SLC37A1: variants seen among roughly 807,000 people sequenced by gnomAD.
The protein encoded by SLC37A1 is glucose-6-phosphate exchanger SLC37A1.
In SLC37A1, 49 loss-of-function variants were observed where a neutral mutation model predicts 75.3. The ratio of observed to expected loss-of-function variants is 0.65; its 90% CI spans 0.52 to 0.83. SLC37A1 has a LOEUF of 0.83. Among genes scored for constraint, SLC37A1 ranks in the 40% least tolerant of loss-of-function variants. The probability of loss-of-function intolerance (pLI) is 0.00; values close to 1 mark genes in which losing one functional copy is unlikely to be tolerated. For synonymous variants in SLC37A1, 268 were observed against 292.1 expected, an observed-to-expected ratio of 0.92 and a Z score of 0.84; for missense variants, 566 against 695.0, an observed-to-expected ratio of 0.81 and a Z score of 2.09.
intron 1 of SLC37A1, among the ~76,000 whole-genome samples, chr21:42,500,927 G>C (rs1399893592): frequency 6.6e-6 from 1 of 152,226 alleles, no homozygotes; most frequent in African/African-American, 2.4e-5. Context: ...TCAATGGAAG[G>C]CTATTGAAAC....
intron 10 of SLC37A1, among the ~76,000 whole-genome samples, chr21:42,554,626 G>A (rs2055637253): frequency 6.6e-6 from 1 of 150,732 alleles, no homozygotes; most frequent in Non-Finnish European, 1.5e-5. Flanking sequence ...CACGTGAGGT[G>A]CACACAGAAA....
intron 3 of SLC37A1, among the ~76,000 whole-genome samples, chr21:42,528,531 A>C (rs904715300): frequency 6.6e-6 from 1 of 152,238 alleles, no homozygotes; most frequent in Non-Finnish European, 1.5e-5. Context: ...ACAGGACTTA[A>C]AAGGAGAAAA....
At chr21:42,518,672 C>G (rs1344782243) in intron 2 of SLC37A1, among the ~76,000 whole-genome samples, 162 bp downstream of exon 2, 1 of 152,160 alleles carries the variant, frequency 6.6e-6, no homozygotes, top group Non-Finnish European at 1.5e-5. Flanking sequence ...GAAGCCGTGA[C>G]CCAGAACAGT....
intron 18 of SLC37A1, among the ~76,000 whole-genome samples, chr21:42,578,313 T>C (rs896745264): frequency 1.3e-5 from 2 of 152,232 alleles, no homozygotes; most frequent in Non-Finnish European, 2.9e-5. Context: ...CATTCTTGCA[T>C]GCGTGAGCCA....
At chr21:42,553,447 T>C (rs2055604878) in intron 9 of SLC37A1, among the ~76,000 whole-genome samples, 1 of 152,226 alleles carries the variant, frequency 6.6e-6, no homozygotes, top group Non-Finnish European at 1.5e-5. Context: ...GGGTTCTACA[T>C]AGAGCCCTGT....
intron 17 of SLC37A1, 47 bp downstream of exon 17, chr21:42,568,485 A>G: frequency 1.3e-6 from 2 of 1,567,248 alleles, no homozygotes; most frequent in Non-Finnish European, 1.7e-6. Context: ...CTTAGGGGAA[A>G]TCACATTGTC....
intron 17 of SLC37A1, among the ~76,000 whole-genome samples, chr21:42,568,675 G>C (rs1379762342): frequency 5.3e-5 from 8 of 152,216 alleles, no homozygotes; most frequent in Admixed American, 5.2e-4. Flanking sequence ...TTTCACCCGA[G>C]GCAGTGGTTG....
At chr21:42,579,056 T>C (rs562030325) in intron 18 of SLC37A1, among the ~76,000 whole-genome samples, 1 of 152,314 alleles carries the variant, frequency 6.6e-6, no homozygotes, top group Admixed American at 6.5e-5. Context: ...GAAAATGCAC[T>C]AGTTAAATTG....
chr21:42,539,701 G>GTGGAGTGTTTA (rs1161257843), intron 6 of SLC37A1, 54 bp downstream of exon 6: 130 of 1,560,220 alleles, frequency 8.3e-5, no homozygotes, highest in Non-Finnish European at 1.1e-4. Flanking sequence ...GGTGAATAGG[G>GTGGAGTGTTTA]TGGAGTGTTT....
chr21:42,530,742 C>T (rs1036474626), intron 3 of SLC37A1, among the ~76,000 whole-genome samples: 1 of 151,966 alleles, frequency 6.6e-6, no homozygotes, highest in Admixed American at 6.5e-5. Context: ...ATCCCCTGCT[C>T]CTGTCCTGTC....
chr21:42,578,276 G>A (rs1359911507), intron 18 of SLC37A1, among the ~76,000 whole-genome samples: 1 of 152,206 alleles, frequency 6.6e-6, no homozygotes, highest in African/African-American at 2.4e-5. Context: ...TGGGCTCCTG[G>A]AGTTGGTAGG....
intron 3 of SLC37A1, among the ~76,000 whole-genome samples, chr21:42,528,900 A>G (rs922472429): frequency 2.0e-5 from 3 of 152,188 alleles, no homozygotes; most frequent in African/African-American, 4.8e-5. Context: ...AGTATGTACT[A>G]TGGGTGGGAA....
intron 1 of SLC37A1, among the ~76,000 whole-genome samples, chr21:42,517,153 C>T (rs963910063): frequency 2.6e-5 from 4 of 152,218 alleles, no homozygotes; most frequent in Admixed American, 1.3e-4. Context: ...GCATTTACTA[C>T]GTACCAGGCC....
intron 2 of SLC37A1, among the ~76,000 whole-genome samples, chr21:42,519,901 G>A (rs941894771): frequency 4.6e-5 from 7 of 152,018 alleles, no homozygotes; most frequent in African/African-American, 1.2e-4. Context: ...CTGTAGAACC[G>A]CTGTATGTCA....
rs114494947 is a variant in SLC37A1, at chr21:42,532,063, A to G, written c.139-2635A>G. 3.5e-3 allele frequency among the ~76,000 whole-genome samples: 529 copies of G among 152,278 alleles called. 3 individuals are homozygous for G. The highest frequency in any genetic ancestry group is 0.012 in the African/African-American group (509 of 41,550). Reference sequence around the variant, plus strand: ...ACACAGGCATTGTCATGCCAACTCCATAACTGATGGCCAGGGAGTGTAAGT... The same window carrying G: ...ACACAGGCATTGTCATGCCAACTCCGTAACTGATGGCCAGGGAGTGTAAGT... On this transcript the variant is annotated intron_variant, in intron 3 of 19. Transcript: ENST00000352133.
intron 11 of SLC37A1, 96 bp from the exon 12 acceptor site, chr21:42,561,981 CT>C: frequency 1.0e-6 from 1 of 988,186 alleles, no homozygotes; most frequent in African/African-American, 1.6e-5. Flanking sequence ...GACAGGATGT[CT>C]TTATGGGAGC....
At chr21:42,575,083 GAA>G (rs1449624672) in intron 18 of SLC37A1, 168 bp downstream of exon 18, 6 of 985,312 alleles carry the variant, frequency 6.1e-6, no homozygotes, top group Non-Finnish European at 7.2e-6. Context: ...TCTCTGATTA[GAA>G]AAAGTCAGAA....
At chr21:42,578,391 G>A (rs183336878) in intron 18 of SLC37A1, among the ~76,000 whole-genome samples, 19 of 152,332 alleles carry the variant, frequency 1.2e-4, no homozygotes, top group South Asian at 2.1e-4. Context: ...AGTTCATCCC[G>A]TACCCACAGA....
At position 42,539,501 on chromosome 21, in the gene SLC37A1, C is replaced by G; in HGVS notation, c.351-11C>G. The G allele has an allele frequency of 6.2e-7, 1 of 1,605,236 alleles. No homozygotes were observed. The highest frequency in any genetic ancestry group is 1.1e-5 in the South Asian group (1 of 89,382). ...GTTATTCCTATTTGTCTTTCCTTCT[C>G]TCCACCTCAGTGGCATCATTGGGGA... On this transcript the variant is annotated splice_polypyrimidine_tract_variant and intron_variant, in intron 5 of 19. Transcript: ENST00000352133.
Sources: gnomAD v4.1 joint callset for allele counts (sites outside exome capture counted in the v4.1 genomes callset) on GRCh38, gnomAD v4.1.1 for gene constraint, MANE v1.5 for transcripts, NCBI Gene and HGNC (gene_info 2026-07-23, HGNC 2026-07-21) for gene names.